ANO3: variants seen among roughly 807,000 people sequenced by gnomAD.
ANO3 encodes anoctamin 3, also known as anoctamin-3.
ANO3 carries 99 observed loss-of-function variants against 144.8 expected under a neutral mutation model. The ratio of observed to expected loss-of-function variants is 0.68; its 90% confidence interval spans 0.58 to 0.81. The LOEUF (loss-of-function observed/expected upper bound fraction) is 0.81. ANO3 is among the 30% of genes least tolerant of loss of function. The pLI, the probability that ANO3 is intolerant of heterozygous loss-of-function variation, is 0.00. For synonymous variants in ANO3, 414 were observed against 392.6 expected (o/e 1.05, Z -0.64); for missense variants, 905 against 1,202.2 (o/e 0.75, Z 3.66).
chr11:26,565,889 A>T (rs749278000), intron 14 of ANO3: 5 of 1,564,546 alleles, frequency 3.2e-6, no homozygotes, highest in South Asian at 1.2e-5. Flanking sequence ...GTTTTTTTTT[A>T]AAGGAATCTG....
At chr11:26,263,063 A>G (rs918798141) in intron 1 of ANO3, among the ~76,000 whole-genome samples, 1 of 152,126 alleles carries the variant, frequency 6.6e-6, no homozygotes, top group African/African-American at 2.4e-5. Flanking sequence ...TGTTGCCCAT[A>G]TTCTTCATTC....
chr11:26,218,848 A>G (rs1313640456), intron 1 of ANO3, among the ~76,000 whole-genome samples: 3 of 152,216 alleles, frequency 2.0e-5, no homozygotes, highest in African/African-American at 7.2e-5. Context: ...AAAGAGAGAT[A>G]GTGTCCTGCA....
intron 1 of ANO3, among the ~76,000 whole-genome samples, chr11:26,269,484 T>C (rs1853393737): frequency 6.6e-6 from 1 of 152,206 alleles, no homozygotes; most frequent in Admixed American, 6.5e-5. Flanking sequence ...GGTCCTAGAC[T>C]AGCGTTACTC....
chr11:26,504,810 TCA>T (rs1565066657), intron 4 of ANO3, among the ~76,000 whole-genome samples: 2 of 20,372 alleles, frequency 9.8e-5, no homozygotes, highest in African/African-American at 2.3e-4. Context: ...GATCACAAAG[TCA>T]GGAGATCGAG....
chr11:26,214,359 A>G (rs191232121), intron 1 of ANO3, among the ~76,000 whole-genome samples: 4 of 152,006 alleles, frequency 2.6e-5, no homozygotes, highest in Admixed American at 2.6e-4. Context: ...ACTGTCATGC[A>G]TTATCTGTTT....
intron 6 of ANO3, among the ~76,000 whole-genome samples, chr11:26,519,380 A>T (rs1179968514): frequency 6.6e-6 from 1 of 152,198 alleles, no homozygotes; most frequent in African/African-American, 2.4e-5. Flanking sequence ...TATTTTACTT[A>T]GATCTGGCAC....
chr11:26,575,637 A>G (rs1483560167), intron 14 of ANO3, among the ~76,000 whole-genome samples: 1 of 152,196 alleles, frequency 6.6e-6, no homozygotes, highest in Non-Finnish European at 1.5e-5. Flanking sequence ...TATAATGGAA[A>G]GAAATTTTGT....
chr11:26,306,581 T>C (rs1260614939), upstream of ANO3, among the ~76,000 whole-genome samples: 2 of 152,090 alleles, frequency 1.3e-5, no homozygotes, highest in Admixed American at 1.3e-4. Flanking sequence ...GGAGGATCAC[T>C]GAAGCCTTGG....
chr11:26,504,141 T>C (rs1052988498), intron 4 of ANO3, among the ~76,000 whole-genome samples: 1 of 152,184 alleles, frequency 6.6e-6, no homozygotes, highest in East Asian at 1.9e-4. Flanking sequence ...GTCACAGATA[T>C]AAAGCAAAAA....
At chr11:26,632,582 T>TA (rs1852821353) in intron 18 of ANO3, among the ~76,000 whole-genome samples, 1 of 147,048 alleles carries the variant, frequency 6.8e-6, no homozygotes, top group African/African-American at 2.5e-5. Flanking sequence ...AATATACGTT[T>TA]TATATATATA....
intron 21 of ANO3, among the ~76,000 whole-genome samples, 198 bp from the exon 22 acceptor site, chr11:26,641,698 T>TTA (rs1565160427): frequency 6.6e-5 from 10 of 152,282 alleles, no homozygotes; most frequent in South Asian, 6.2e-4. Flanking sequence ...TCAAAAGATT[T>TTA]AAAAAAAATT....
chr11:26,332,395 G>A (rs1855075034), intron 1 of ANO3, 74 bp downstream of exon 1: 2 of 1,441,570 alleles, frequency 1.4e-6, no homozygotes, highest in Non-Finnish European at 2.0e-6. Flanking sequence ...TTGTGTAGGA[G>A]CATCCTTTGC....
At chr11:26,428,001 G>C (rs1332114099) in intron 1 of ANO3, among the ~76,000 whole-genome samples, 2 of 152,114 alleles carry the variant, frequency 1.3e-5, no homozygotes, top group Non-Finnish European at 2.9e-5. Flanking sequence ...CATGACACGT[G>C]GGGAATATGT....
At chr11:26,364,709 G>A (rs1174773781) in intron 1 of ANO3, among the ~76,000 whole-genome samples, 1 of 152,076 alleles carries the variant, frequency 6.6e-6, no homozygotes, top group Non-Finnish European at 1.5e-5. Context: ...TAGCACCAAG[G>A]GGATGGTGCT....
intron 1 of ANO3, among the ~76,000 whole-genome samples, chr11:26,255,625 G>A (rs996286443): frequency 7.2e-5 from 11 of 152,120 alleles, no homozygotes; most frequent in Admixed American, 1.3e-4. Flanking sequence ...AAAGATGGGA[G>A]GGGGGTTTTG....
intron 1 of ANO3, among the ~76,000 whole-genome samples, chr11:26,195,072 T>A (rs1016306156): frequency 5.3e-5 from 8 of 152,328 alleles, no homozygotes; most frequent in African/African-American, 1.7e-4. Context: ...TTCCTGTTTT[T>A]CTACCAATAG....
intron 1 of ANO3, among the ~76,000 whole-genome samples, chr11:26,326,521 T>C (rs1161872394): frequency 6.6e-6 from 1 of 152,160 alleles, no homozygotes; most frequent in African/African-American, 2.4e-5. Context: ...AGTAAATAAA[T>C]ATTCATGCAC....
chr11:26,463,138 A>T lies in ANO3; in HGVS notation c.422A>T (p.Lys141Ile). The change falls in exon 4 of 27, where the codon AAA becomes ATA. Residue 141 changes from lysine (K) to isoleucine (I), a missense_variant. Physicochemically the swap from Lys to Ile is moderately radical, Grantham distance 102. Coordinates refer to ENST00000256737, the MANE Select transcript of ANO3 (RefSeq NM_031418.4). ...AAAGATAAATCTGAATTCAAGACAA[A>T]ATTATCTAAGGTAATGAGAACTAAA... ...VIKDKSEFKT[K>I]LSKNDMNYIA... 1 of 1,540,716 alleles carries T rather than the reference A, an allele frequency of 6.5e-7. No homozygotes were observed. The highest frequency in any genetic ancestry group is 1.2e-5 in the South Asian group (1 of 84,728).
intron 1 of ANO3, among the ~76,000 whole-genome samples, chr11:26,234,597 A>G (rs1394259321): frequency 6.6e-6 from 1 of 152,210 alleles, no homozygotes; most frequent in East Asian, 1.9e-4. Context: ...GTGAGTATAC[A>G]TGTATTCAAC....
Sources: gnomAD v4.1 joint callset for allele counts (sites outside exome capture counted in the v4.1 genomes callset) on GRCh38, gnomAD v4.1.1 for gene constraint, MANE v1.5 for transcripts, NCBI Gene and HGNC (gene_info 2026-07-23, HGNC 2026-07-21) for gene names.